The following USP19 variants were observed in gnomAD, a reference collection of about 807,000 sequenced individuals.
USP19 encodes the protein ubiquitin specific peptidase 19, also known as ubiquitin carboxyl-terminal hydrolase 19.
USP19 carries 40 observed loss-of-function variants against 144.8 expected under a neutral mutation model. That is an observed-to-expected ratio of 0.28 (90% confidence interval 0.21 to 0.36). The LOEUF (loss-of-function observed/expected upper bound fraction) is 0.36. Ranked by LOEUF, USP19 falls within the 10% of genes least tolerant of loss-of-function variation. The pLI is 1.00. For synonymous variants in USP19, 701 were observed against 709.3 expected, an observed-to-expected ratio of 0.99 and a Z score of 0.19; for missense variants, 1,518 against 1,822.5, an observed-to-expected ratio of 0.83 and a Z score of 3.04.
At chr3:49,113,708 T>C (rs2043584884) in intron 17 of USP19, among the ~76,000 whole-genome samples, 1 of 152,144 alleles carries the variant, frequency 6.6e-6, no homozygotes, top group African/African-American at 2.4e-5. Context: ...AGTGAGCCTC[T>C]TGCCTCAGCC....
Position 49,116,492 on chromosome 3 carries a change from T to G in USP19, c.1242A>C (p.Val414=). 6.2e-7 allele frequency: 1 copy of G among 1,614,226 alleles called. No homozygotes were observed. Among genetic ancestry groups the G allele is most frequent in the Non-Finnish European group, 8.5e-7 (1 of 1,180,036 alleles). The change falls in exon 8 of 27, where the codon GTA becomes GTC. Residue 414 remains valine, a synonymous_variant. Transcript: ENST00000417901. The surrounding 1 kb of genome is among the most constrained non-coding windows in gnomAD (Gnocchi z 5.0). ...GCGTGAAGTCCTGCTCACGGAAAAG[T>G]ACTCTTGAGGTGTCCCTGCAGATCT... is the stretch of plus-strand genomic sequence containing the variant. ...VKEICRDTSR[V]LFREQDFTLI... is the part of the protein sequence containing the mutation.
chr3:49,116,972 C>G lies in USP19; in HGVS notation c.910-29G>C. The G allele has an allele frequency of 6.2e-7, 1 of 1,604,882 alleles. No individual in the cohort carries two copies. Among genetic ancestry groups the G allele is most frequent in the South Asian group, 1.1e-5 (1 of 89,786 alleles). ...TTAATGGCAAGATTGTGGAAAGAAT[C>G]AGCCCTGGGTCTGCCAGGTGGCTCC... On this transcript the variant is annotated intron_variant, in intron 6 of 26. Coordinates refer to ENST00000417901, the MANE Select transcript of USP19 (RefSeq NM_001199161.2). The surrounding 1 kb of genome is among the most constrained non-coding windows in gnomAD (Gnocchi z 5.0).
Position 49,117,539 on chromosome 3 carries a change from A to G in USP19, c.504T>C (p.Ala168=). 6.2e-7 allele frequency: 1 copy of G among 1,614,052 alleles called. No individual in the cohort carries two copies. The highest frequency in any genetic ancestry group is 8.5e-7 in the Non-Finnish European group (1 of 1,180,000). The change falls in exon 5 of 27, where the codon GCT becomes GCC. Residue 168 remains alanine, a synonymous_variant. Transcript: ENST00000417901. The surrounding 1 kb of genome is among the most constrained non-coding windows in gnomAD (Gnocchi z 4.4). ...CTTTAGCACAAGAGCTTTTTATCTCAGCATAGAAGACACCACCCCACTGCT... is the reference window on the plus strand; with the variant it reads ...CTTTAGCACAAGAGCTTTTTATCTCGGCATAGAAGACACCACCCCACTGCT... ...GGQQWGGVFY[A]EIKSSCAKVQ...
At position 49,115,827 on chromosome 3, in the gene USP19, T is replaced by C; in HGVS notation, c.1589A>G (p.Lys530Arg). 2 of 1,613,862 alleles carry C rather than the reference T, an allele frequency of 1.2e-6. No individual in the cohort carries two copies. The highest frequency in any genetic ancestry group is 1.7e-6 in the Non-Finnish European group (2 of 1,179,840). The change falls in exon 11 of 27, where the codon AAG becomes AGG. Residue 530 changes from lysine to arginine, a missense_variant. This residue lies in a region of USP19 where 707 missense variants were observed against 728.9 expected (regional missense o/e 0.97). Coordinates refer to ENST00000417901, the MANE Select transcript of USP19 (RefSeq NM_001199161.2). The surrounding 1 kb of genome is among the most constrained non-coding windows in gnomAD (Gnocchi z 6.6). ...TGQEEARAVE[K>R]DKSKARSEDT... is the part of the protein sequence containing the mutation. ...CTCAGATCGTGCCTTGGATTTATCCTTCTCCACAGCCCGGGCCTCCTCCTG... is the reference window on the plus strand; with the variant it reads ...CTCAGATCGTGCCTTGGATTTATCCCTCTCCACAGCCCGGGCCTCCTCCTG...
rs2044712745 is a variant in USP19 at position 49,119,198 on chromosome 3, G to A, written c.-53C>T. The A allele has an allele frequency of 6.4e-7, 1 of 1,574,316 alleles. No individual in the cohort carries two copies. The highest frequency in any genetic ancestry group is 1.1e-5 in the South Asian group (1 of 87,604). ...TGCCCCGGGGTCGGCAACAGCGTCT[G>A]GGTCAGGGCTGCGGCGCTTTCTTCC... On this transcript the variant is annotated 5_prime_UTR_variant, in exon 2 of 27. Transcript: ENST00000417901.
At position 49,112,263 on chromosome 3, in the gene USP19, G is replaced by A; in HGVS notation, c.2765+21C>T. On this transcript the variant is annotated intron_variant, in intron 19 of 26. Transcript: ENST00000417901. The surrounding 1 kb of genome is among the most constrained non-coding windows in gnomAD (Gnocchi z 4.9). ...ATGGAAGGTGGAAAGAAAGGGTAGGGGAGACCATGGGGGTCCTCACTGGTT... is the reference window on the plus strand; with the variant it reads ...ATGGAAGGTGGAAAGAAAGGGTAGGAGAGACCATGGGGGTCCTCACTGGTT... The A allele has an allele frequency of 5.7e-6, 9 of 1,592,176 alleles. No individual in the cohort carries two copies. Among genetic ancestry groups the A allele is most frequent in the Non-Finnish European group, 7.7e-6 (9 of 1,169,600 alleles).
chr3:49,118,825 C>T (rs982024253), intron 2 of USP19, among the ~76,000 whole-genome samples, 197 bp downstream of exon 2: 3 of 152,164 alleles, frequency 2.0e-5, no homozygotes, highest in Non-Finnish European at 4.4e-5. Flanking sequence ...CCCCCAACAG[C>T]ACCATCTTCT....
In USP19 at chr3:49,115,404, T is replaced by C; in HGVS notation, c.1888+40A>G. On this transcript the variant is annotated intron_variant, in intron 12 of 26. Coordinates refer to ENST00000417901, the MANE Select transcript of USP19 (RefSeq NM_001199161.2). The surrounding 1 kb of genome is among the most constrained non-coding windows in gnomAD (Gnocchi z 6.6). ...GCAAAGGTGTGAGGAACAAAGGCAC[T>C]CTCTCTGCCCATAACCCAGGCTCCA... 3 of 1,613,706 alleles carry C rather than the reference T, an allele frequency of 1.9e-6. No homozygotes were observed. The South Asian group carries it at 3.3e-5, about 18-fold the overall frequency.
rs1254660993 is a variant in USP19, at chr3:49,109,258, T to C, written c.4039-730A>G. 1.0e-5 allele frequency: 15 copies of C among 1,437,390 alleles called. No individual in the cohort carries two copies. In the East Asian group the frequency reaches 2.5e-4, roughly 24 times the overall value. The allele number at this position is 1,437,390 out of a possible 1,614,324, so 89.0% of individuals were successfully genotyped here. A position where few individuals can be genotyped will look rare whatever the true frequency, so the allele number is the denominator to read the frequency against. ...CCAGTGTCCCTGAGACCCTTAGCCA[T>C]GACAGTCCCACCTGGGGTGACTGGG... On this transcript the variant is annotated intron_variant, in intron 26 of 26. Transcript: ENST00000417901.
rs569683553 is a variant in USP19 at position 49,117,902 on chromosome 3, G to A, written c.298+45C>T. On this transcript the variant is annotated intron_variant, in intron 3 of 26. Transcript: ENST00000417901. This position sits in a 1 kb window ranked among gnomAD's most constrained non-coding sequence, Gnocchi z 4.4. ...TTCAGATGGGAGCCAAATTGCAAGTGCCCCCTCCCCTTCCCTAGCAACAAA... is the reference window on the plus strand; with the variant it reads ...TTCAGATGGGAGCCAAATTGCAAGTACCCCCTCCCCTTCCCTAGCAACAAA... 1.2e-6 allele frequency: 2 copies of A among 1,613,060 alleles called. No individual in the cohort carries two copies. The highest frequency in any genetic ancestry group is 2.2e-5 in the East Asian group (1 of 44,882).
Position 49,111,009 on chromosome 3 carries a change from G to A in USP19, c.3486C>T (p.Thr1162=). The A allele has an allele frequency of 6.2e-7, 1 of 1,614,000 alleles. No homozygotes were observed. The highest frequency in any genetic ancestry group is 8.5e-7 in the Non-Finnish European group (1 of 1,180,028). The part of the protein sequence containing the change: ...AGEAARAGHF[T]LDQCLNLFTR... Reference sequence around the variant, plus strand: ...TGAAGAGGTTGAGGCACTGGTCCAGGGTGAAGTGGCCGGCCCGGGCAGCCT... The same window carrying A: ...TGAAGAGGTTGAGGCACTGGTCCAGAGTGAAGTGGCCGGCCCGGGCAGCCT... Residue 1162 remains threonine, a synonymous_variant, in exon 23 of 27, where the codon ACC becomes ACT. Coordinates refer to ENST00000417901, the MANE Select transcript of USP19 (RefSeq NM_001199161.2). The surrounding 1 kb of genome is among the most constrained non-coding windows in gnomAD (Gnocchi z 5.9).
At chr3:49,118,370 C>T (rs965984987) in intron 2 of USP19, among the ~76,000 whole-genome samples, 11 of 151,814 alleles carry the variant, frequency 7.2e-5, no homozygotes, top group African/African-American at 2.7e-4. Flanking sequence ...GAGTTTGTGA[C>T]CAGTCTGGCC....
Position 49,114,024 on chromosome 3 carries a change from G to A in USP19, c.2473C>T (p.His825Tyr). 6.2e-7 allele frequency: 1 copy of A among 1,614,188 alleles called. No homozygotes were observed. The highest frequency in any genetic ancestry group is 8.5e-7 in the Non-Finnish European group (1 of 1,180,034). Residue 825 changes from histidine (H) to tyrosine (Y), a missense_variant, in exon 17 of 27, where the codon CAT (histidine) becomes TAT (tyrosine). Coordinates refer to ENST00000417901, the MANE Select transcript of USP19 (RefSeq NM_001199161.2). This position sits in a 1 kb window ranked among gnomAD's most constrained non-coding sequence, Gnocchi z 4.5. ...AAACGCAGGTTCTCAGGCTTCACAT[G>A]AACACTCTGAGAGAGGGAGTCCAAT... is the stretch of plus-strand genomic sequence containing the variant. ...EVLDSLSQSV[H>Y]VKPENLRLAE... is the part of the protein sequence containing the mutation.
At position 49,116,767 on chromosome 3, in the gene USP19, C is replaced by T; in HGVS notation, c.1086G>A (p.Glu362=). The change falls in exon 7 of 27, where the codon GAG becomes GAA. Residue 362 remains glutamate, a synonymous_variant. Coordinates refer to ENST00000417901, the MANE Select transcript of USP19 (RefSeq NM_001199161.2). This position sits in a 1 kb window ranked among gnomAD's most constrained non-coding sequence, Gnocchi z 5.0. ...CAGCATCTGCTGCCACTGCCATCTC[C>T]TCCTTGGCACAGTCATCTTTCCCAG... ...RNPGKDDCAK[E]EMAVAADAAT... 1 of 1,613,644 alleles carries T rather than the reference C, an allele frequency of 6.2e-7. No individual in the cohort carries two copies. Among genetic ancestry groups the T allele is most frequent in the Non-Finnish European group, 8.5e-7 (1 of 1,179,724 alleles).
chr3:49,108,509 G>A lies in USP19; in HGVS notation c.4058C>T (p.Ala1353Val). ...TGTCCGCGTGGGGGCCACCTCGGGG[G>A]CCTGGCCAGGGCCTAGTCCCTGCAA... ...AASQGLGPGQ[A>V]PEVAPTRTAP... The change falls in exon 27 of 27, where the codon GCC becomes GTC. Residue 1353 changes from alanine to valine, a missense_variant. Physicochemically the swap from Ala to Val is moderately conservative, Grantham distance 64. Around this residue, in one of 5 missense-constraint regions of USP19, gnomAD observed 118 missense variants for 100.2 expected, o/e 1.18. Coordinates refer to ENST00000417901, the MANE Select transcript of USP19 (RefSeq NM_001199161.2). The surrounding 1 kb of genome is among the most constrained non-coding windows in gnomAD (Gnocchi z 4.8). The A allele has an allele frequency of 8.0e-7, 1 of 1,247,870 alleles. No homozygotes were observed. The highest frequency in any genetic ancestry group is 1.0e-6 in the Non-Finnish European group (1 of 969,238). 77.3% of individuals were successfully genotyped at this position (1,247,870 alleles called of 1,614,324 possible).
In USP19 at chr3:49,111,871, C is replaced by G; in HGVS notation, c.2903+40G>C. 1 of 1,609,854 alleles carries G rather than the reference C, an allele frequency of 6.2e-7. No homozygotes were observed. The highest frequency in any genetic ancestry group is 1.7e-5 in the Admixed American group (1 of 59,714). On this transcript the variant is annotated intron_variant, in intron 20 of 26. Coordinates refer to ENST00000417901, the MANE Select transcript of USP19 (RefSeq NM_001199161.2). The surrounding 1 kb of genome is among the most constrained non-coding windows in gnomAD (Gnocchi z 5.9). ...TGACCAGCCCATCTAGCACCTCTGCCCCCACCTACACCACTCTAGTCCAAC... is the reference window on the plus strand; with the variant it reads ...TGACCAGCCCATCTAGCACCTCTGCGCCCACCTACACCACTCTAGTCCAAC...
chr3:49,116,748 C>T lies in USP19; in HGVS notation c.1105G>A (p.Asp369Asn), dbSNP rs1394789706. Residue 369 changes from aspartate to asparagine, a missense_variant, in exon 7 of 27, where the codon GAT (aspartate) becomes AAT (asparagine). Around this residue, in one of 5 missense-constraint regions of USP19, gnomAD observed 707 missense variants for 728.9 expected, o/e 0.97. Transcript: ENST00000417901. This position sits in a 1 kb window ranked among gnomAD's most constrained non-coding sequence, Gnocchi z 5.0. Reference sequence around the variant, plus strand: ...TTACCATCCACCAAGGTTGCAGCATCTGCTGCCACTGCCATCTCCTCCTTG... The same window carrying T: ...TTACCATCCACCAAGGTTGCAGCATTTGCTGCCACTGCCATCTCCTCCTTG... The part of the protein sequence containing the change: ...CAKEEMAVAA[D>N]AATLVDEPES... The T allele has an allele frequency of 1.9e-6, 3 of 1,612,100 alleles. No homozygotes were observed. The highest frequency in any genetic ancestry group is 2.5e-6 in the Non-Finnish European group (3 of 1,178,756).
At chr3:49,119,412 C>A in intron 1 of USP19, 131 bp from the exon 2 acceptor site, 1 of 372,318 alleles carries the variant, frequency 2.7e-6, no homozygotes. Flanking sequence ...CCCCTGGACA[C>A]TCTCAGGATA....
Position 49,116,225 on chromosome 3 carries a change from G to A in USP19, c.1355+55C>T. ...TGAGCATCAGGATAGATGAGCCAGG[G>A]AGATGGAGCCCACGGGGTAGGACAG... is the stretch of plus-strand genomic sequence containing the variant. On this transcript the variant is annotated intron_variant, in intron 9 of 26. Coordinates refer to ENST00000417901, the MANE Select transcript of USP19 (RefSeq NM_001199161.2). This position sits in a 1 kb window ranked among gnomAD's most constrained non-coding sequence, Gnocchi z 5.0. 3 of 1,613,674 alleles carry A rather than the reference G, an allele frequency of 1.9e-6. No homozygotes were observed. The highest frequency in any genetic ancestry group is 3.3e-5 in the Admixed American group (2 of 59,980).
Sources: allele counts gnomAD v4.1 joint callset (sites outside exome capture counted in the v4.1 genomes callset), GRCh38; gene constraint gnomAD v4.1.1; regional missense constraint gnomAD v4.1.1; non-coding constraint Gnocchi (gnomAD v3.1); transcripts MANE v1.5; gene names NCBI Gene and HGNC (gene_info 2026-07-23, HGNC 2026-07-21).